MSH6: variants seen among roughly 807,000 people sequenced by gnomAD.
The protein encoded by MSH6 is DNA mismatch repair protein Msh6.
MSH6 carries 85 observed loss-of-function variants against 119.1 expected under a neutral mutation model. The ratio of observed to expected loss-of-function variants is 0.71; its 90% CI spans 0.60 to 0.85. The LOEUF is 0.85. Ranked by LOEUF, MSH6 falls within the 40% of genes least tolerant of loss-of-function variation. The probability of loss-of-function intolerance (pLI) is 0.00; values close to 1 mark genes in which losing one functional copy is unlikely to be tolerated. For synonymous variants in MSH6, 830 were observed against 586.9 expected, an observed-to-expected ratio of 1.41 and a Z score of -5.99; for missense variants, 2,163 against 1,655.3, an observed-to-expected ratio of 1.31 and a Z score of -5.32.
chr2:47,784,640 T>G (rs1668237106), intron 1 of MSH6: 1 of 152,162 alleles, frequency 6.6e-6, no homozygotes, highest in African/African-American at 2.4e-5. Flanking sequence ...TTTTGTATTT[T>G]TAGTAGAGAC....
chr2:47,788,744 A>G (rs1558649765), intron 1 of MSH6, among the ~76,000 whole-genome samples: 1 of 146,244 alleles, frequency 6.8e-6, no homozygotes, highest in East Asian at 2.0e-4. Flanking sequence ...TAATTTTTGT[A>G]TTTTTTTAGT....
At position 47,805,600 on chromosome 2, in the gene MSH6, G is replaced by T. The variant is rs761188248; in HGVS notation, c.3557-18G>T. 5 of 1,306,624 alleles carry T rather than the reference G, an allele frequency of 3.8e-6. No homozygotes were observed. The highest frequency in any genetic ancestry group is 5.5e-6 in the Non-Finnish European group (5 of 903,478). The allele number at this position is 1,306,624 out of a possible 1,614,324, so 80.9% of individuals were successfully genotyped here. A position where few individuals can be genotyped will look rare whatever the true frequency, so the allele number is the denominator to read the frequency against. ...ATTTGCAAAATGAGTATTCATTTGT[G>T]ATTTTTTTTTTTTTAAGGTGAAAGT... On this transcript the variant is annotated intron_variant, in intron 6 of 9. Transcript: ENST00000234420.
chr2:47,786,425 C>G (rs761092847), intron 1 of MSH6, among the ~76,000 whole-genome samples: 18 of 151,900 alleles, frequency 1.2e-4, no homozygotes, highest in Non-Finnish European at 2.4e-4. Context: ...ACCTCCGCCT[C>G]CTGGGTTCCA....
intron 1 of MSH6, among the ~76,000 whole-genome samples, chr2:47,786,106 T>G (rs1553409144): frequency 6.6e-6 from 1 of 152,140 alleles, no homozygotes; most frequent in African/African-American, 2.4e-5. Context: ...CAGGCTAGGC[T>G]CTCAGCTCTG....
intron 1 of MSH6, among the ~76,000 whole-genome samples, chr2:47,787,575 G>A (rs1336711406): frequency 6.6e-6 from 1 of 152,116 alleles, no homozygotes; most frequent in Non-Finnish European, 1.5e-5. Context: ...AGCTTTAAAA[G>A]CACTTGCAAA....
chr2:47,793,024 T>C (rs1030441627), intron 2 of MSH6, among the ~76,000 whole-genome samples: 4 of 151,442 alleles, frequency 2.6e-5, no homozygotes. Context: ...ATGAATCTCA[T>C]TGGGGTTGCA....
At chr2:47,808,321 C>CT (rs1364847720), downstream of MSH6, 1 of 1,612,056 alleles carries the variant, frequency 6.2e-7, no homozygotes, top group Non-Finnish European at 8.5e-7. Context: ...AGCAAGTGTG[C>CT]TACATACCTA....
At chr2:47,787,271 CAG>C (rs1668404342) in intron 1 of MSH6, among the ~76,000 whole-genome samples, 2 of 151,148 alleles carry the variant, frequency 1.3e-5, no homozygotes, top group South Asian at 4.1e-4. Flanking sequence ...GCCTGGGTGG[CAG>C]AGTCAGACCC....
chr2:47,791,150 G>C, intron 2 of MSH6, 27 bp downstream of exon 2: 1 of 1,586,548 alleles, frequency 6.3e-7, no homozygotes, highest in South Asian at 1.1e-5. Flanking sequence ...CCATGTGTGT[G>C]TGTTTGTGTG....
chr2:47,807,690 C>T (rs1418038420), downstream of MSH6: 7 of 230,374 alleles, frequency 3.0e-5, no homozygotes, highest in East Asian at 6.4e-5. Flanking sequence ...TCAAAAGGAA[C>T]GCAGAAGTGC....
In MSH6 at chr2:47,783,226, C is replaced by A. The variant is rs565211544; in HGVS notation, c.-8C>A. The A allele has an allele frequency of 6.2e-7, 1 of 1,611,152 alleles. No homozygotes were observed. The highest frequency in any genetic ancestry group is 1.3e-5 in the African/African-American group (1 of 74,562). On this transcript the variant is annotated 5_prime_UTR_variant, in exon 1 of 10. The change creates a new upstream start codon in the 5' untranslated region. Transcript: ENST00000234420. ...CGACAGAACGGTTGGGCCTTGCCGG[C>A]TGTCGGTATGTCGCGACAGAGCACC...
chr2:47,802,532 G>A (rs896655218), intron 4 of MSH6, among the ~76,000 whole-genome samples: 6 of 151,134 alleles, frequency 4.0e-5, no homozygotes, highest in East Asian at 3.9e-4. Context: ...GGTTTTTCCC[G>A]TGTTGGCCAG....
intron 3 of MSH6, chr2:47,797,709 T>C (rs1197063240): frequency 1.3e-5 from 2 of 152,848 alleles, no homozygotes; most frequent in East Asian, 3.8e-4. Flanking sequence ...GCTCAGCGAT[T>C]TTCTCCACAG....
At chr2:47,796,162 G>T (rs1669077653) in intron 3 of MSH6, 99 bp downstream of exon 3, 1 of 1,201,962 alleles carries the variant, frequency 8.3e-7, no homozygotes, top group African/African-American at 1.5e-5. Flanking sequence ...ATATATGTGT[G>T]TGTATATGTA....
chr2:47,797,860 A>G (rs1669191257), intron 3 of MSH6: 1 of 235,864 alleles, frequency 4.2e-6, no homozygotes, highest in Admixed American at 4.1e-5. Context: ...CCAGTTCAAA[A>G]TGCTTGCATC....
chr2:47,785,188 G>GA, intron 1 of MSH6, among the ~76,000 whole-genome samples: 1 of 151,908 alleles, frequency 6.6e-6, no homozygotes, highest in Admixed American at 6.6e-5. Flanking sequence ...TAAAGGCTCA[G>GA]AAAAAATAAC....
intron 1 of MSH6, among the ~76,000 whole-genome samples, chr2:47,788,457 G>A (rs1572704846): frequency 6.7e-6 from 1 of 149,416 alleles, no homozygotes; most frequent in Non-Finnish European, 1.5e-5. Flanking sequence ...GTTTCACCAT[G>A]TTGGCCAGGC....
intron 5 of MSH6, among the ~76,000 whole-genome samples, chr2:47,803,996 A>C (rs1669793106): frequency 6.6e-6 from 1 of 152,252 alleles, no homozygotes. Flanking sequence ...CAAAGGCTGT[A>C]TGAAAAGATG....
chr2:47,806,495 C>CTAT lies in MSH6; in HGVS notation c.3848_3850dup (p.Ile1283dup), dbSNP rs1553333420. On this transcript the variant is annotated inframe_insertion, in exon 9 of 10. Transcript: ENST00000234420. ...GAATGTGAAGACCCCAGCCAGGAGA[C>CTAT]TATTACGTTCCTCTATAAATTCATT... 1.3e-5 allele frequency: 21 copies of CTAT among 1,613,884 alleles called. No homozygotes were observed. The highest frequency in any genetic ancestry group is 1.8e-5 in the Non-Finnish European group (21 of 1,179,998).
Sources: allele counts gnomAD v4.1 joint callset (sites outside exome capture counted in the v4.1 genomes callset), GRCh38; gene constraint gnomAD v4.1.1; transcripts MANE v1.5; gene names NCBI Gene and HGNC (gene_info 2026-07-23, HGNC 2026-07-21).